Variants in MAST2 observed in about 807,000 individuals in gnomAD.
MAST2 encodes microtubule associated serine/threonine kinase 2, also known as microtubule-associated serine/threonine-protein kinase 2.
Under a neutral mutation model 147.4 loss-of-function variants are expected in MAST2, and 70 were observed. The observed-to-expected ratio is 0.47, with a 90% CI of 0.39 to 0.58. The LOEUF is 0.58. MAST2 is among the 20% of genes least tolerant of loss of function. The probability of loss-of-function intolerance (pLI) is 0.00; values close to 1 mark genes in which losing one functional copy is unlikely to be tolerated. For missense variants in MAST2, 2,080 were observed against 2,302.3 expected, an observed-to-expected ratio of 0.90 and a Z score of 1.98; for synonymous variants, 869 against 896.8, an observed-to-expected ratio of 0.97 and a Z score of 0.55.
chr1:45,992,229 TGAGTTTTTATC>T (rs1644881740), intron 5 of MAST2, among the ~76,000 whole-genome samples: 1 of 152,210 alleles, frequency 6.6e-6, no homozygotes, highest in African/African-American at 2.4e-5. Flanking sequence ...CCTAGTTTGC[TGAGTTTTTATC>T]AAAAAAGTTT....
intron 6 of MAST2, among the ~76,000 whole-genome samples, chr1:45,999,184 G>A (rs1462275707): frequency 1.3e-5 from 2 of 152,218 alleles, no homozygotes; most frequent in African/African-American, 2.4e-5. Flanking sequence ...GTTGGGATAA[G>A]TTTGATAGCT....
chr1:45,983,835 T>C (rs1022941765), intron 5 of MAST2, among the ~76,000 whole-genome samples: 1 of 152,160 alleles, frequency 6.6e-6, no homozygotes, highest in Non-Finnish European at 1.5e-5. Context: ...AGTAGTATAC[T>C]CCCTAGGAGA....
At chr1:45,824,412 T>G (rs1455159544) in intron 1 of MAST2, 21 bp from the exon 2 acceptor site, 1 of 1,571,118 alleles carries the variant, frequency 6.4e-7, no homozygotes, top group African/African-American at 1.4e-5. Flanking sequence ...GACTCATGTT[T>G]TACTCTTTTT....
Position 45,813,730 on chromosome 1 carries a change from G to T in MAST2, c.177+9658G>T, listed in dbSNP as rs1391201640. Among the ~76,000 whole-genome samples the T allele has an allele frequency of 2.0e-5, 3 of 151,884 alleles. No individual in the cohort carries two copies. The East Asian group carries it at 5.8e-4, about 29-fold the overall frequency. The stretch of plus-strand genomic sequence containing the variant: ...GCCAGGCTGGTCTCGAACTTCTGAC[G>T]TCAGGTGAGCCGCCCACCTCGGCCT... On this transcript the variant is annotated intron_variant, in intron 1 of 28. Coordinates refer to ENST00000361297, the MANE Select transcript of MAST2 (RefSeq NM_015112.3).
chr1:45,930,142 C>G (rs775552566), intron 4 of MAST2, among the ~76,000 whole-genome samples: 5 of 151,804 alleles, frequency 3.3e-5, no homozygotes, highest in Non-Finnish European at 7.4e-5. Flanking sequence ...CTGGAGTGCG[C>G]GATCTCAGCT....
chr1:45,953,530 A>G (rs1659234814), intron 4 of MAST2, among the ~76,000 whole-genome samples: 1 of 152,218 alleles, frequency 6.6e-6, no homozygotes, highest in Non-Finnish European at 1.5e-5. Flanking sequence ...GCTATTGGGA[A>G]AAAAGGTAGA....
intron 1 of MAST2, among the ~76,000 whole-genome samples, chr1:45,806,255 T>C (rs1644138499): frequency 6.6e-6 from 1 of 152,230 alleles, no homozygotes; most frequent in Non-Finnish European, 1.5e-5. Flanking sequence ...TTCATATAAA[T>C]GGAATCATAG....
At chr1:46,004,028 G>A (rs936499519) in intron 7 of MAST2, among the ~76,000 whole-genome samples, 23 of 152,220 alleles carry the variant, frequency 1.5e-4, no homozygotes, top group African/African-American at 3.4e-4. Context: ...GATGTCATTG[G>A]TCTTTGGCAA....
chr1:45,934,771 T>G (rs1352015383), intron 4 of MAST2, among the ~76,000 whole-genome samples: 1 of 152,226 alleles, frequency 6.6e-6, no homozygotes, highest in East Asian at 1.9e-4. Flanking sequence ...TATGTGTATA[T>G]GTACCATATT....
rs769799325 is a variant in MAST2 at position 46,006,380 on chromosome 1, G to A, written c.887G>A (p.Arg296His). Reference protein sequence around the residue: ...EGRQSPAMRPRSRSLSPGRSP... With the variant: ...EGRQSPAMRPHSRSLSPGRSP... ...CGGCAGTCCCCAGCCATGCGGCCTC[G>A]CTCCCGGAGCCTCAGGTGAGGGTGC... The change falls in exon 8 of 29, where the codon CGC becomes CAC. Residue 296 changes from arginine (R) to histidine (H), a missense_variant. Physicochemically the swap from Arg to His is conservative, Grantham distance 29 (BLOSUM62 0). Coordinates refer to ENST00000361297, the MANE Select transcript of MAST2 (RefSeq NM_015112.3). The A allele has an allele frequency of 5.6e-6, 9 of 1,612,316 alleles. No individual in the cohort carries two copies. The highest frequency in any genetic ancestry group is 1.3e-5 in the African/African-American group (1 of 74,896).
chr1:45,850,326 T>C (rs1231779152), intron 3 of MAST2, among the ~76,000 whole-genome samples: 3 of 152,210 alleles, frequency 2.0e-5, no homozygotes, highest in African/African-American at 4.8e-5. Flanking sequence ...TTAAGTTCTT[T>C]ATAGAGTCTA....
chr1:46,034,761 G>A lies in MAST2; in HGVS notation c.4092G>A (p.Ser1364=), dbSNP rs768278804. The change falls in exon 29 of 29, where the codon TCG becomes TCA. Residue 1364 remains serine (S), a synonymous_variant. Transcript: ENST00000361297. ...PPTASPQRSP[S]PLSGHVAQAF... ...CAGCTTCACCTCAGCGGTCCCCATCGCCCCTGTCTGGCCATGTAGCCCAGG... is the reference window on the plus strand; with the variant it reads ...CAGCTTCACCTCAGCGGTCCCCATCACCCCTGTCTGGCCATGTAGCCCAGG... The A allele has an allele frequency of 6.2e-6, 10 of 1,613,044 alleles. No homozygotes were observed. In the Admixed American group the frequency reaches 8.4e-5, roughly 13 times the overall value.
intron 15 of MAST2, chr1:46,024,417 A>T (rs1290304280): frequency 9.3e-6 from 2 of 214,040 alleles, no homozygotes; most frequent in African/African-American, 4.5e-5. Flanking sequence ...CTCTGAGAAT[A>T]GAACAGAAGA....
At position 45,964,653 on chromosome 1, in the gene MAST2, T is replaced by C. The variant is rs890957159; in HGVS notation, c.592+5176T>C. ...TAGCAGTCTATCAATTTTGTTGATC[T>C]TTTCAAAAAACCAGCTCCTGGATTC... On this transcript the variant is annotated intron_variant, in intron 5 of 28. Transcript: ENST00000361297. Among the ~76,000 whole-genome samples the C allele has an allele frequency of 3.1e-4, 47 of 152,316 alleles. 1 individual carries two copies. The highest frequency in any genetic ancestry group is 1.1e-3 in the African/African-American group (44 of 41,578).
intron 4 of MAST2, among the ~76,000 whole-genome samples, chr1:45,919,616 C>T (rs1041523178): frequency 1.3e-5 from 2 of 152,128 alleles, no homozygotes; most frequent in Non-Finnish European, 2.9e-5. Context: ...TCTGAAGGCA[C>T]CTCTTCTAGA....
chr1:45,902,835 T>C (rs1275150432), intron 4 of MAST2, among the ~76,000 whole-genome samples: 3 of 152,254 alleles, frequency 2.0e-5, no homozygotes, highest in Non-Finnish European at 2.9e-5. Flanking sequence ...AATGCCACTT[T>C]TGTCATTTCT....
At chr1:45,953,228 T>TTA (rs1553243512) in intron 4 of MAST2, among the ~76,000 whole-genome samples, 7 of 149,586 alleles carry the variant, frequency 4.7e-5, no homozygotes, top group African/African-American at 1.7e-4. Context: ...GAGCAGAGGT[T>TTA]AAAAAAAAAA....
rs1295705838 is a variant in MAST2, at chr1:45,803,744, C to T, written c.-152C>T. 8.5e-6 allele frequency: 3 copies of T among 351,596 alleles called. No individual in the cohort carries two copies. Among genetic ancestry groups the T allele is most frequent in the Non-Finnish European group, 1.5e-5 (3 of 197,104 alleles). The allele number at this position is 351,596 out of a possible 1,614,324, so 21.8% of individuals were successfully genotyped here. ...TCGCGGCGCCGGAGGCCCCAGAAGGCTCGAAGGCGCCGCGGGCTGGGGTCG... is the reference window on the plus strand; with the variant it reads ...TCGCGGCGCCGGAGGCCCCAGAAGGTTCGAAGGCGCCGCGGGCTGGGGTCG... On this transcript the variant is annotated 5_prime_UTR_variant, in exon 1 of 29. Transcript: ENST00000361297.
intron 6 of MAST2, among the ~76,000 whole-genome samples, chr1:46,002,200 T>A: frequency 6.6e-6 from 1 of 152,144 alleles, no homozygotes; most frequent in East Asian, 1.9e-4. Context: ...AAGTCTCATA[T>A]ACAGCTAAGG....
Sources: allele counts gnomAD v4.1 joint callset (sites outside exome capture counted in the v4.1 genomes callset), GRCh38; gene constraint gnomAD v4.1.1; transcripts MANE v1.5; gene names NCBI Gene and HGNC (gene_info 2026-07-23, HGNC 2026-07-21).